Variants in KATNIP observed in about 807,000 individuals in gnomAD.
KATNIP encodes the protein katanin interacting protein, also known as katanin-interacting protein.
In KATNIP, 126 loss-of-function variants were observed where a neutral mutation model predicts 174.0. That is an observed-to-expected ratio of 0.72 (90% CI 0.63 to 0.84). The LOEUF is 0.84. Ranked by LOEUF, KATNIP falls within the 40% of genes least tolerant of loss-of-function variation. KATNIP has a pLI of 0.00. For missense variants in KATNIP, 1,958 were observed against 2,109.7 expected, an observed-to-expected ratio of 0.93 and a Z score of 1.41; for synonymous variants, 810 against 835.7, an observed-to-expected ratio of 0.97 and a Z score of 0.53.
At chr16:27,596,723 C>A (rs1327423234) in intron 2 of KATNIP, among the ~76,000 whole-genome samples, 1 of 152,122 alleles carries the variant, frequency 6.6e-6, no homozygotes, top group Non-Finnish European at 1.5e-5. Flanking sequence ...GACCCCGTTT[C>A]CACAAAAAAT....
chr16:27,778,521 C>T, intron 27 of KATNIP, 53 bp from the exon 28 acceptor site: 1 of 1,580,266 alleles, frequency 6.3e-7, no homozygotes, highest in Non-Finnish European at 8.7e-7. Flanking sequence ...TGGGGCACCC[C>T]TCCAGGGTTT....
intron 14 of KATNIP, among the ~76,000 whole-genome samples, chr16:27,724,692 G>T (rs547684248): frequency 6.6e-6 from 1 of 152,198 alleles, no homozygotes; most frequent in Non-Finnish European, 1.5e-5. Context: ...GCAGAAAAGC[G>T]CAAACAAATG....
intron 6 of KATNIP, among the ~76,000 whole-genome samples, chr16:27,672,493 C>G (rs2077955144): frequency 6.6e-6 from 1 of 152,218 alleles, no homozygotes; most frequent in African/African-American, 2.4e-5. Flanking sequence ...TCCTATAAGG[C>G]CAGAGGTTTG....
At chr16:27,634,927 G>A (rs1474714607) in intron 5 of KATNIP, among the ~76,000 whole-genome samples, 1 of 152,194 alleles carries the variant, frequency 6.6e-6, no homozygotes, top group African/African-American at 2.4e-5. Context: ...TCCCGGAGGA[G>A]TTTGGGGCCA....
chr16:27,616,009 C>CTATA, intron 2 of KATNIP, among the ~76,000 whole-genome samples: 1 of 152,270 alleles, frequency 6.6e-6, no homozygotes, highest in South Asian at 2.1e-4. Context: ...CCATAACTTG[C>CTATA]TATAACTTGG....
In KATNIP at chr16:27,648,661, G is replaced by T; in HGVS notation, c.466G>T (p.Asp156Tyr). 6.2e-7 allele frequency: 1 copy of T among 1,614,208 alleles called. No individual in the cohort carries two copies. The highest frequency in any genetic ancestry group is 8.5e-7 in the Non-Finnish European group (1 of 1,180,030). Residue 156 changes from aspartate (D) to tyrosine (Y), a missense_variant, in exon 6 of 28, where the codon GAC becomes TAC. Physicochemically the swap from Asp to Tyr is radical, Grantham distance 160. Coordinates refer to ENST00000261588, the MANE Select transcript of KATNIP (RefSeq NM_015202.5). The stretch of plus-strand genomic sequence containing the variant: ...ACGGCTCCACATCGAACCTCCTGTG[G>T]ACTATTCTGATGATTTTGAGCTGTG... ...GPRLHIEPPVDYSDDFELCGD... is the reference protein window; with the variant it reads ...GPRLHIEPPVYYSDDFELCGD...
Position 27,773,212 on chromosome 16 carries a change from A to G in KATNIP, c.4309+3A>G. ...AAAAATCCCCTTGTCGGAAAACAGT[A>G]TCCTTTGTAGGACAGGAGTGGGCTC... On this transcript the variant is annotated splice_donor_region_variant and intron_variant, in intron 23 of 27. Transcript: ENST00000261588. 1 of 1,596,248 alleles carries G rather than the reference A, an allele frequency of 6.3e-7. No homozygotes were observed. The highest frequency in any genetic ancestry group is 2.2e-5 in the East Asian group (1 of 44,742).
intron 13 of KATNIP, among the ~76,000 whole-genome samples, chr16:27,720,354 G>A (rs1315536461): frequency 2.0e-5 from 3 of 152,036 alleles, no homozygotes; most frequent in East Asian, 1.9e-4. Flanking sequence ...ACCTCCCAAA[G>A]TGCTGGGATT....
chr16:27,764,486 T>A (rs1461635345), intron 19 of KATNIP, among the ~76,000 whole-genome samples: 1 of 152,248 alleles, frequency 6.6e-6, no homozygotes, highest in Non-Finnish European at 1.5e-5. Flanking sequence ...ATCTGGTTTA[T>A]TTCTTGTCCC....
intron 14 of KATNIP, 38 bp downstream of exon 14, chr16:27,721,733 T>C: frequency 3.7e-6 from 6 of 1,604,684 alleles, no homozygotes; most frequent in East Asian, 2.2e-5. Flanking sequence ...GGGCACTGGG[T>C]TGATGGAAGC....
intron 5 of KATNIP, among the ~76,000 whole-genome samples, chr16:27,635,137 TAAAC>T (rs917504634): frequency 2.6e-5 from 4 of 152,190 alleles, no homozygotes; most frequent in African/African-American, 7.2e-5. Flanking sequence ...AAGCAATTCT[TAAAC>T]AAAAGCCTTA....
chr16:27,727,993 T>A (rs1219333968), intron 14 of KATNIP: 1 of 152,248 alleles, frequency 6.6e-6, no homozygotes, highest in Non-Finnish European at 1.5e-5. Context: ...CTCTCAAAAT[T>A]GTTTCTTTTA....
At chr16:27,625,410 G>C (rs1395356433) in intron 3 of KATNIP, among the ~76,000 whole-genome samples, 1 of 152,212 alleles carries the variant, frequency 6.6e-6, no homozygotes, top group Non-Finnish European at 1.5e-5. Flanking sequence ...ACTCTGCCCC[G>C]CCACAGGCCT....
At chr16:27,583,501 C>T (rs754257989) in intron 2 of KATNIP, among the ~76,000 whole-genome samples, 1 of 152,130 alleles carries the variant, frequency 6.6e-6, no homozygotes, top group Non-Finnish European at 1.5e-5. Flanking sequence ...TAAAAACACC[C>T]CATGAAAACT....
At chr16:27,619,797 C>T (rs568727273) in intron 3 of KATNIP, among the ~76,000 whole-genome samples, 168 of 152,284 alleles carry the variant, frequency 1.1e-3, no homozygotes, top group African/African-American at 3.7e-3. Flanking sequence ...CAGCCAGAAA[C>T]GCCACAACAG....
intron 7 of KATNIP, 110 bp from the exon 8 acceptor site, chr16:27,681,289 C>G: frequency 1.4e-6 from 2 of 1,384,202 alleles, no homozygotes; most frequent in Non-Finnish European, 2.0e-6. Context: ...AAAGTAGTTC[C>G]GTAGACATTT....
chr16:27,670,726 C>G (rs949694472), intron 6 of KATNIP, among the ~76,000 whole-genome samples: 1 of 152,154 alleles, frequency 6.6e-6, no homozygotes, highest in African/African-American at 2.4e-5. Context: ...CCCCGCCACT[C>G]CTCTAGGGAA....
At chr16:27,622,229 A>G (rs558373095) in intron 3 of KATNIP, among the ~76,000 whole-genome samples, 1 of 152,298 alleles carries the variant, frequency 6.6e-6, no homozygotes, top group East Asian at 1.9e-4. Flanking sequence ...AGAACTCCCC[A>G]GTAGTGGCAG....
intron 3 of KATNIP, among the ~76,000 whole-genome samples, chr16:27,624,776 C>T (rs1185270404): frequency 6.6e-6 from 1 of 152,052 alleles, no homozygotes; most frequent in Non-Finnish European, 1.5e-5. Flanking sequence ...GCTGTGATCA[C>T]ACCACTACAC....
Sources: gnomAD v4.1 joint callset for allele counts (sites outside exome capture counted in the v4.1 genomes callset) on GRCh38, gnomAD v4.1.1 for gene constraint, MANE v1.5 for transcripts, NCBI Gene and HGNC (gene_info 2026-07-23, HGNC 2026-07-21) for gene names.